The following TENM2 variants were observed in gnomAD, a reference collection of about 807,000 sequenced individuals.
The protein encoded by TENM2 is teneurin transmembrane protein 2.
In TENM2, 52 loss-of-function variants were observed where a neutral mutation model predicts 245.2. The observed-to-expected ratio is 0.21, with a 90% CI of 0.17 to 0.27. The LOEUF (loss-of-function observed/expected upper bound fraction) is 0.27, where lower values mean the gene tolerates loss of function less well. TENM2 is among the 10% of genes least tolerant of loss of function. The pLI, the probability that TENM2 is intolerant of heterozygous loss-of-function variation, is 1.00. For missense variants in TENM2, 3,046 were observed against 3,666.8 expected, an observed-to-expected ratio of 0.83 and a Z score of 4.37; for synonymous variants, 1,363 against 1,438.9, an observed-to-expected ratio of 0.95 and a Z score of 1.19.
exon 2 of TENM2, chr5:167,375,353 G>A (rs1760684501): frequency 1.9e-6 from 3 of 1,551,626 alleles, no homozygotes; most frequent in South Asian, 1.2e-5. Flanking sequence ...TCCAGAACAC[G>A]CCATCAGACT....
At chr5:167,330,939 T>C (rs1277828808) in intron 1 of TENM2, among the ~76,000 whole-genome samples, 1 of 152,058 alleles carries the variant, frequency 6.6e-6, no homozygotes, top group Non-Finnish European at 1.5e-5. Context: ...ATGTATTACC[T>C]ATTGAAAAGC....
the TENM2 span, among the ~76,000 whole-genome samples, chr5:167,274,855 A>G: frequency 1.3e-4 from 20 of 151,776 alleles, no homozygotes; most frequent in Non-Finnish European, 2.5e-4. Flanking sequence ...TATTGTTTAG[A>G]ATTGTTTTAC....
At chr5:167,780,085 G>T (rs993431664) in intron 2 of TENM2, among the ~76,000 whole-genome samples, 1 of 152,168 alleles carries the variant, frequency 6.6e-6, no homozygotes, top group African/African-American at 2.4e-5. Flanking sequence ...ACTCTAGGTG[G>T]TTTACACACT....
chr5:167,765,068 C>T (rs1193020178), intron 2 of TENM2, among the ~76,000 whole-genome samples: 1 of 152,104 alleles, frequency 6.6e-6, no homozygotes, highest in Admixed American at 6.5e-5. Context: ...TGGCGAGAGG[C>T]CTTATTGCAT....
At chr5:167,803,183 A>G (rs539131617) in intron 2 of TENM2, among the ~76,000 whole-genome samples, 7 of 152,254 alleles carry the variant, frequency 4.6e-5, no homozygotes, top group African/African-American at 1.7e-4. Context: ...CCTGGGCCAG[A>G]TTTCTCTTAT....
At chr5:167,216,429 T>C in the TENM2 span, among the ~76,000 whole-genome samples, 2 of 152,326 alleles carry the variant, frequency 1.3e-5, no homozygotes, top group Non-Finnish European at 2.9e-5. Context: ...ACATTGTCTG[T>C]CTGCTATTTA....
intron 3 of TENM2, among the ~76,000 whole-genome samples, chr5:167,889,052 A>G (rs932639299): frequency 1.3e-5 from 2 of 152,158 alleles, no homozygotes; most frequent in Non-Finnish European, 2.9e-5. Flanking sequence ...TTCCACTCCA[A>G]AGGCAGACTT....
At chr5:168,039,599 C>T (rs375395119) in intron 5 of TENM2, among the ~76,000 whole-genome samples, 27 of 152,042 alleles carry the variant, frequency 1.8e-4, no homozygotes, top group Admixed American at 3.3e-4. Flanking sequence ...CGGTGGGAAA[C>T]GACACTCTGT....
At chr5:167,099,986 C>A in the TENM2 span, among the ~76,000 whole-genome samples, 1 of 152,134 alleles carries the variant, frequency 6.6e-6, no homozygotes, top group East Asian at 1.9e-4. Flanking sequence ...GGTACTTCTT[C>A]AACTTCTAAC....
chr5:168,179,828 G>A (rs144236198), intron 13 of TENM2, among the ~76,000 whole-genome samples: 2 of 152,278 alleles, frequency 1.3e-5, no homozygotes, highest in East Asian at 1.9e-4. Context: ...TCTTAATAAA[G>A]GCATGCGTTT....
At chr5:167,579,155 T>C (rs1428375974) in intron 2 of TENM2, among the ~76,000 whole-genome samples, 1 of 152,190 alleles carries the variant, frequency 6.6e-6, no homozygotes, top group African/African-American at 2.4e-5. Flanking sequence ...ACACTTGACA[T>C]TATCAAACAC....
At chr5:167,008,678 A>G in the TENM2 span, among the ~76,000 whole-genome samples, 113 of 151,994 alleles carry the variant, frequency 7.4e-4, no homozygotes, top group Non-Finnish European at 1.4e-3. Context: ...TCCATTTGTC[A>G]TTTGTTTGGA....
intron 2 of TENM2, among the ~76,000 whole-genome samples, chr5:167,515,680 T>TACGTATA (rs1283561249): frequency 1.8e-5 from 1 of 55,812 alleles, no homozygotes; most frequent in African/African-American, 4.6e-5. Flanking sequence ...TGTATATATA[T>TACGTATA]TTTGAGAGGG....
intron 2 of TENM2, among the ~76,000 whole-genome samples, chr5:167,781,489 GGA>G (rs1764183418): frequency 6.6e-6 from 1 of 152,206 alleles, no homozygotes. Context: ...CCCTGGGATT[GGA>G]GAGAGCATTC....
the TENM2 span, among the ~76,000 whole-genome samples, chr5:167,093,212 G>C: frequency 6.6e-6 from 1 of 152,224 alleles, no homozygotes; most frequent in Non-Finnish European, 1.5e-5. Context: ...GAATTCTGCA[G>C]TGTTGGGAAA....
chr5:168,171,470 A>T (rs538219894), intron 13 of TENM2, among the ~76,000 whole-genome samples: 2 of 152,324 alleles, frequency 1.3e-5, no homozygotes, highest in South Asian at 4.1e-4. Context: ...ACAAGTACAG[A>T]ATGTGTGCTG....
intron 2 of TENM2, among the ~76,000 whole-genome samples, chr5:167,589,510 A>C (rs979960536): frequency 2.0e-5 from 3 of 152,208 alleles, no homozygotes; most frequent in Non-Finnish European, 2.9e-5. Context: ...TTTTGTGGAA[A>C]TATTCCCCAA....
At chr5:167,606,230 A>G (rs4868804) in intron 2 of TENM2, among the ~76,000 whole-genome samples, 99,614 of 152,042 alleles carry the variant, frequency 0.66, 32,863 homozygotes, top group Middle Eastern at 0.76. Context: ...TCCAGCTGCT[A>G]TAACAAAAGA....
chr5:167,943,938 T>A (rs895980147), intron 3 of TENM2, among the ~76,000 whole-genome samples: 1 of 152,208 alleles, frequency 6.6e-6, no homozygotes, highest in Non-Finnish European at 1.5e-5. Flanking sequence ...AACTGTGTAA[T>A]AAAATCTTCT....
Sources: gnomAD v4.1 joint callset for allele counts (sites outside exome capture counted in the v4.1 genomes callset) on GRCh38, gnomAD v4.1.1 for gene constraint, MANE v1.5 for transcripts, NCBI Gene and HGNC (gene_info 2026-07-23, HGNC 2026-07-21) for gene names.